The following PLEKHM3 variants were observed in gnomAD, a reference collection of about 807,000 sequenced individuals.
The protein encoded by PLEKHM3 is pleckstrin homology domain-containing family M member 3.
PLEKHM3 carries 45 observed loss-of-function variants against 81.8 expected under a neutral mutation model. The observed-to-expected ratio is 0.55, with a 90% CI of 0.43 to 0.71. The LOEUF (loss-of-function observed/expected upper bound fraction) is 0.71, where lower values mean the gene tolerates loss of function less well. PLEKHM3 is among the 30% of genes least tolerant of loss of function. The probability of loss-of-function intolerance (pLI) is 0.00; values close to 1 mark genes in which losing one functional copy is unlikely to be tolerated. For missense variants in PLEKHM3, 788 were observed against 924.3 expected, an observed-to-expected ratio of 0.85 and a Z score of 1.91; for synonymous variants, 352 against 356.4, an observed-to-expected ratio of 0.99 and a Z score of 0.14.
At chr2:208,016,694 C>CACACACAA in intron 1 of PLEKHM3, among the ~76,000 whole-genome samples, 1 of 149,836 alleles carries the variant, frequency 6.7e-6, no homozygotes, top group Middle Eastern at 3.4e-3. Flanking sequence ...CACACACACA[C>CACACACAA]ACCCTGGTTT....
At chr2:207,921,469 T>A (rs543459157) in intron 5 of PLEKHM3, among the ~76,000 whole-genome samples, 2 of 152,302 alleles carry the variant, frequency 1.3e-5, no homozygotes, top group African/African-American at 4.8e-5. Context: ...TCAGGGTAAT[T>A]AGCACATCTA....
rs369426841 is a variant in PLEKHM3 at position 207,828,373 on chromosome 2, G to A, written c.2232C>T (p.Asp744=). The change falls in exon 8 of 8, where the codon GAC becomes GAT. Residue 744 remains aspartate (D), a synonymous_variant. Transcript: ENST00000427836. The stretch of plus-strand genomic sequence containing the variant: ...TGGTGCAAGCCTCCTCTAGACTCTC[G>A]TCCATGTTCAGTCTCTGCCAGAAAG... ...QKSFWQRLNM[D]ESLEEACTMF... is the part of the protein sequence containing the mutation. 65 of 1,614,008 alleles carry A rather than the reference G, an allele frequency of 4.0e-5. No homozygotes were observed. In the African/African-American group the frequency reaches 6.5e-4, roughly 16 times the overall value.
chr2:207,996,566 TAAAAA>T (rs1692127718), intron 2 of PLEKHM3, among the ~76,000 whole-genome samples: 1 of 152,080 alleles, frequency 6.6e-6, no homozygotes, highest in Non-Finnish European at 1.5e-5. Context: ...AAAAGTAACT[TAAAAA>T]GAAAAGAAAA....
At chr2:207,904,374 A>C (rs989074674) in intron 6 of PLEKHM3, among the ~76,000 whole-genome samples, 1 of 152,154 alleles carries the variant, frequency 6.6e-6, no homozygotes, top group Admixed American at 6.5e-5. Flanking sequence ...CCTGTGTCTT[A>C]TGCTTCTTCC....
intron 6 of PLEKHM3, among the ~76,000 whole-genome samples, chr2:207,876,975 C>G (rs1194950818): frequency 1.3e-5 from 2 of 152,116 alleles, no homozygotes; most frequent in Non-Finnish European, 2.9e-5. Context: ...TCATACCACT[C>G]AAAGTACTGT....
chr2:207,920,257 C>T (rs1158461714), intron 5 of PLEKHM3, among the ~76,000 whole-genome samples: 1 of 152,156 alleles, frequency 6.6e-6, no homozygotes. Flanking sequence ...AGCAAATGCT[C>T]CCTGAGAACA....
intron 4 of PLEKHM3, among the ~76,000 whole-genome samples, chr2:207,945,336 T>C (rs62189259): frequency 0.01 from 1,543 of 152,332 alleles, 13 homozygotes; most frequent in Non-Finnish European, 0.016. Context: ...TGATAGCCAC[T>C]AAGCCTGCTA....
rs114442057 is a variant in PLEKHM3, at chr2:207,860,664, G to A, written c.2108+441C>T. ...GCTCCACTGCAGTGCATGCATCTGCGGAGAAAAGCACATGGCCAGGCAGCA... is the reference window on the plus strand; with the variant it reads ...GCTCCACTGCAGTGCATGCATCTGCAGAGAAAAGCACATGGCCAGGCAGCA... On this transcript the variant is annotated intron_variant, in intron 7 of 7. Transcript: ENST00000427836. 2.1e-3 allele frequency among the ~76,000 whole-genome samples: 321 copies of A among 152,220 alleles called. 3 individuals carry two copies. Among genetic ancestry groups the A allele is most frequent in the African/African-American group, 7.3e-3 (302 of 41,532 alleles).
chr2:207,995,613 C>T (rs1692094781), intron 2 of PLEKHM3, among the ~76,000 whole-genome samples: 1 of 152,202 alleles, frequency 6.6e-6, no homozygotes, highest in Non-Finnish European at 1.5e-5. Context: ...TCAGTTTCAT[C>T]ATCCTTAAAA....
In PLEKHM3 at chr2:208,006,096, G is replaced by A. The variant is rs913181556; in HGVS notation, c.-318-4139C>T. Among the ~76,000 whole-genome samples the A allele has an allele frequency of 2.0e-5, 3 of 152,220 alleles. 1 individual carries two copies. In the South Asian group the frequency reaches 6.2e-4, roughly 32 times the overall value. ...TCTGAGCTACTTGACTGCAGACACC[G>A]TGACCTTCTTACTTATCTTCCTAAA... On this transcript the variant is annotated intron_variant, in intron 1 of 7. Transcript: ENST00000427836.
At chr2:207,899,966 G>A (rs1014425709) in intron 6 of PLEKHM3, 1 of 152,138 alleles carries the variant, frequency 6.6e-6, no homozygotes, top group African/African-American at 2.4e-5. Context: ...GTTACTGGGT[G>A]TTCTGGTTAC....
intron 5 of PLEKHM3, among the ~76,000 whole-genome samples, chr2:207,925,147 GT>G (rs541574567): frequency 4.7e-4 from 46 of 97,320 alleles, no homozygotes; most frequent in East Asian, 5.9e-4. Flanking sequence ...TTTGTTTTTT[GT>G]TTTTTTTTTT....
intron 7 of PLEKHM3, among the ~76,000 whole-genome samples, chr2:207,856,366 T>C (rs2092437741): frequency 6.6e-6 from 1 of 152,206 alleles, no homozygotes; most frequent in South Asian, 2.1e-4. Context: ...CTGTGATGTA[T>C]GAAACCATAG....
intron 6 of PLEKHM3, among the ~76,000 whole-genome samples, chr2:207,876,389 A>AT (rs2092560006): frequency 1.3e-5 from 2 of 152,128 alleles, no homozygotes; most frequent in Non-Finnish European, 2.9e-5. Context: ...GAAAGTCTCT[A>AT]TTTTTTTGGT....
chr2:207,902,944 C>T (rs1415182596), intron 6 of PLEKHM3, among the ~76,000 whole-genome samples: 1 of 151,478 alleles, frequency 6.6e-6, no homozygotes, highest in Non-Finnish European at 1.5e-5. Context: ...ATAAAACAAA[C>T]GGTTTAGGCA....
At position 207,824,526 on chromosome 2, in the gene PLEKHM3, T is replaced by A. The variant is rs1019085891; in HGVS notation, c.*3793A>T. Reference sequence around the variant, plus strand: ...TCTCTACTTCCACTGCTAACGCCCCTCTGCAGAAAATGTTCAGTGTGCGTG... The same window carrying A: ...TCTCTACTTCCACTGCTAACGCCCCACTGCAGAAAATGTTCAGTGTGCGTG... On this transcript the variant is annotated 3_prime_UTR_variant, in exon 8 of 8. Coordinates refer to ENST00000427836, the MANE Select transcript of PLEKHM3 (RefSeq NM_001080475.3). 2.0e-5 allele frequency: 3 copies of A among 152,218 alleles called. No individual in the cohort carries two copies. Among genetic ancestry groups the A allele is most frequent in the African/African-American group, 7.2e-5 (3 of 41,454 alleles). The allele number at this position is 152,218 out of a possible 1,614,324, so 9.4% of individuals were successfully genotyped here.
At chr2:208,024,384 T>G (rs1026932157) in intron 1 of PLEKHM3, among the ~76,000 whole-genome samples, 1 of 152,114 alleles carries the variant, frequency 6.6e-6, no homozygotes, top group Non-Finnish European at 1.5e-5. Flanking sequence ...GAAAAACTCA[T>G]CAGGAATTAG....
intron 2 of PLEKHM3, among the ~76,000 whole-genome samples, chr2:207,984,087 T>C (rs1297867419): frequency 6.6e-6 from 1 of 152,244 alleles, no homozygotes; most frequent in Admixed American, 6.5e-5. Flanking sequence ...GAAAAGCATG[T>C]AGAAGAGTAA....
chr2:208,000,308 A>T (rs996506908), intron 2 of PLEKHM3, among the ~76,000 whole-genome samples: 5 of 152,074 alleles, frequency 3.3e-5, no homozygotes, highest in Admixed American at 2.0e-4. Context: ...AATCCTGACG[A>T]AGTGTCATGT....
Sources: gnomAD v4.1 joint callset for allele counts (sites outside exome capture counted in the v4.1 genomes callset) on GRCh38, gnomAD v4.1.1 for gene constraint, MANE v1.5 for transcripts, NCBI Gene and HGNC (gene_info 2026-07-23, HGNC 2026-07-21) for gene names.